PIGU: variants seen among roughly 807,000 people sequenced by gnomAD.
PIGU encodes phosphatidylinositol glycan anchor biosynthesis class U.
PIGU carries 24 observed loss-of-function variants against 49.9 expected under a neutral mutation model. The observed-to-expected ratio is 0.48, with a 90% CI of 0.35 to 0.68. PIGU has a LOEUF of 0.68. PIGU is among the 30% of genes least tolerant of loss of function. The pLI, the probability that PIGU is intolerant of heterozygous loss-of-function variation, is 0.01. For missense variants in PIGU, 490 were observed against 532.6 expected, an observed-to-expected ratio of 0.92 and a Z score of 0.79; for synonymous variants, 220 against 205.7, an observed-to-expected ratio of 1.07 and a Z score of -0.59.
intron 7 of PIGU, among the ~76,000 whole-genome samples, chr20:34,604,164 C>G (rs962290969): frequency 6.6e-6 from 1 of 152,098 alleles, no homozygotes; most frequent in Non-Finnish European, 1.5e-5. Context: ...AATGTTAACT[C>G]GCAGTTACAA....
intron 7 of PIGU, among the ~76,000 whole-genome samples, chr20:34,605,839 T>C (rs1293084621): frequency 6.6e-6 from 1 of 152,190 alleles, no homozygotes; most frequent in Admixed American, 6.5e-5. Flanking sequence ...ATATATTTAT[T>C]TTTGCTGAAC....
chr20:34,626,511 C>T (rs1985498419), intron 6 of PIGU, among the ~76,000 whole-genome samples: 1 of 152,080 alleles, frequency 6.6e-6, no homozygotes, highest in African/African-American at 2.4e-5. Flanking sequence ...CCATGTTGGC[C>T]AGGCTAGTCA....
In PIGU at chr20:34,645,316, G is replaced by C. The variant is rs756363231; in HGVS notation, c.214C>G (p.Leu72Val). ...GCATAGTCAATTAGGAAATGAAAGA[G>C]GTATATTATTAATGGAGTCTGCAGA... ...VFHETPLIIY[L>V]FHFLIDYAEL... is the part of the protein sequence containing the mutation. Residue 72 changes from leucine to valine, a missense_variant, in exon 3 of 12, where the codon CTC (leucine) becomes GTC (valine). Physicochemically the swap from Leu to Val is conservative, Grantham distance 32. Transcript: ENST00000217446. 5.1e-6 allele frequency: 8 copies of C among 1,571,410 alleles called. No homozygotes were observed. The highest frequency in any genetic ancestry group is 6.9e-6 in the Non-Finnish European group (8 of 1,165,114).
At chr20:34,664,541 A>G (rs899504218) in intron 1 of PIGU, among the ~76,000 whole-genome samples, 1 of 151,992 alleles carries the variant, frequency 6.6e-6, no homozygotes, top group Non-Finnish European at 1.5e-5. Flanking sequence ...TTTACTAAAA[A>G]TACAAAAATT....
At chr20:34,586,939 T>G (rs946072550) in intron 8 of PIGU, among the ~76,000 whole-genome samples, 1 of 152,146 alleles carries the variant, frequency 6.6e-6, no homozygotes, top group Non-Finnish European at 1.5e-5. Context: ...AATTTTTTTG[T>G]GTGAAAAATC....
At chr20:34,648,215 G>A (rs993097448) in intron 2 of PIGU, among the ~76,000 whole-genome samples, 34 of 139,628 alleles carry the variant, frequency 2.4e-4, no homozygotes, top group Admixed American at 3.9e-4. Flanking sequence ...TTGTACCACC[G>A]CACTCCAGCC....
intron 7 of PIGU, among the ~76,000 whole-genome samples, chr20:34,603,861 G>GACACACACACACACAC (rs142929319): frequency 0.027 from 3,952 of 143,768 alleles, 93 homozygotes; most frequent in Non-Finnish European, 0.03. Context: ...TTAGTGGACA[G>GACACACACACACACAC]ACACACACAC....
intron 3 of PIGU, among the ~76,000 whole-genome samples, chr20:34,644,873 A>G (rs1330044248): frequency 6.6e-6 from 1 of 152,192 alleles, no homozygotes; most frequent in African/African-American, 2.4e-5. Context: ...AAGACTATAT[A>G]TAGTCCAGAA....
intron 6 of PIGU, among the ~76,000 whole-genome samples, chr20:34,618,000 C>T (rs529683479): frequency 6.6e-6 from 1 of 152,150 alleles, no homozygotes; most frequent in South Asian, 2.1e-4. Context: ...TGCCTTTTGC[C>T]CTCCACCATG....
chr20:34,589,812 C>A (rs555891722), intron 7 of PIGU, among the ~76,000 whole-genome samples: 1 of 151,750 alleles, frequency 6.6e-6, no homozygotes, highest in East Asian at 1.9e-4. Flanking sequence ...CCTGCCACCA[C>A]GCCCAGCTAA....
chr20:34,630,525 C>T (rs536753608), intron 6 of PIGU, among the ~76,000 whole-genome samples: 1 of 152,280 alleles, frequency 6.6e-6, no homozygotes, highest in South Asian at 2.1e-4. Flanking sequence ...TTTGTAAATG[C>T]CCCCGACCCA....
intron 2 of PIGU, among the ~76,000 whole-genome samples, chr20:34,654,668 CA>C (rs1227977516): frequency 1.7e-5 from 2 of 116,376 alleles, no homozygotes; most frequent in Non-Finnish European, 3.6e-5. Context: ...AAAAAACAAA[CA>C]AAAAAAAACT....
In PIGU at chr20:34,637,768, T is replaced by C. The variant is rs949825039; in HGVS notation, c.428+108A>G. On this transcript the variant is annotated intron_variant, in intron 5 of 11. Coordinates refer to ENST00000217446, the MANE Select transcript of PIGU (RefSeq NM_080476.5). ...CAACAGAACTACAGCAAATACTTGA[T>C]GACTAAGATTGCAAATCTCCAAAAA... 1.0e-5 allele frequency: 16 copies of C among 1,561,422 alleles called. No individual in the cohort carries two copies. In the African/African-American group the frequency reaches 2.1e-4, roughly 20 times the overall value.
chr20:34,580,631 G>T (rs1357864024), intron 10 of PIGU, among the ~76,000 whole-genome samples: 1 of 152,196 alleles, frequency 6.6e-6, no homozygotes, highest in African/African-American at 2.4e-5. Flanking sequence ...GAATCAGGTG[G>T]TGCTGGGCCA....
intron 1 of PIGU, among the ~76,000 whole-genome samples, chr20:34,665,787 G>A (rs1987072219): frequency 6.6e-6 from 1 of 151,996 alleles, no homozygotes; most frequent in Admixed American, 6.6e-5. Context: ...TTTCATCTAT[G>A]TACATCTAAG....
In PIGU at chr20:34,585,487, C is replaced by G; in HGVS notation, c.876G>C (p.Val292=). 6.2e-7 allele frequency: 1 copy of G among 1,613,994 alleles called. No homozygotes were observed. The highest frequency in any genetic ancestry group is 1.3e-5 in the African/African-American group (1 of 75,044). The part of the protein sequence containing the change: ...FEHFSLFFVC[V]FQINVFFYTI... ...TGTAGAAGAAGACGTTGATCTGAAA[C>G]ACACATACAAAGAAGAGGCTGAAGT... Residue 292 remains valine, a synonymous_variant, in exon 9 of 12, where the codon GTG becomes GTC. Transcript: ENST00000217446.
At chr20:34,596,403 C>G (rs1435248410) in intron 7 of PIGU, among the ~76,000 whole-genome samples, 1 of 152,068 alleles carries the variant, frequency 6.6e-6, no homozygotes, top group Non-Finnish European at 1.5e-5. Flanking sequence ...ATGCAAAATT[C>G]TAATAAGGTC....
intron 6 of PIGU, among the ~76,000 whole-genome samples, chr20:34,628,333 A>G (rs1478189324): frequency 6.6e-6 from 1 of 152,160 alleles, no homozygotes; most frequent in Non-Finnish European, 1.5e-5. Context: ...AAAGGAAAAA[A>G]AATCAATAAA....
intron 7 of PIGU, among the ~76,000 whole-genome samples, chr20:34,594,045 T>C (rs1451055313): frequency 6.6e-6 from 1 of 151,942 alleles, no homozygotes; most frequent in African/African-American, 2.4e-5. Context: ...TATGTGGTGG[T>C]GCACACCTAT....
Sources: gnomAD v4.1 joint callset for allele counts (sites outside exome capture counted in the v4.1 genomes callset) on GRCh38, gnomAD v4.1.1 for gene constraint, MANE v1.5 for transcripts, NCBI Gene and HGNC (gene_info 2026-07-23, HGNC 2026-07-21) for gene names.